The following FUBP3 variants were observed in gnomAD, a reference collection of about 807,000 sequenced individuals.
The protein encoded by FUBP3 is far upstream element-binding protein 3.
A neutral mutation model predicts 85.6 loss-of-function variants in FUBP3; 28 were observed. The observed-to-expected ratio is 0.33, with a 90% confidence interval of 0.24 to 0.45. The LOEUF (loss-of-function observed/expected upper bound fraction) is 0.45. Ranked by LOEUF, FUBP3 falls within the 20% of genes least tolerant of loss-of-function variation. The pLI, the probability that FUBP3 is intolerant of heterozygous loss-of-function variation, is 1.00. For synonymous variants in FUBP3, 271 were observed against 271.4 expected (o/e 1.00, Z 0.01); for missense variants, 583 against 755.1 (o/e 0.77, Z 2.67).
intron 11 of FUBP3, 150 bp downstream of exon 11, chr9:130,623,861 T>C (rs1006649842): frequency 4.2e-6 from 2 of 478,312 alleles, no homozygotes; most frequent in Non-Finnish European, 7.4e-6. Flanking sequence ...TCAGCCTCTT[T>C]CCTGCCTTCT....
chr9:130,582,953 A>G (rs1180497648), intron 1 of FUBP3, among the ~76,000 whole-genome samples: 2 of 152,224 alleles, frequency 1.3e-5, no homozygotes, highest in African/African-American at 4.8e-5. Flanking sequence ...TTAGGACTTT[A>G]AAAAGCATTA....
At chr9:130,628,090 GCACGCACGCACGCGCACACACACACACA>G (rs1830056516) in intron 12 of FUBP3, among the ~76,000 whole-genome samples, 1 of 126,396 alleles carries the variant, frequency 7.9e-6, no homozygotes, top group Non-Finnish European at 1.7e-5. Context: ...ACACACGCAC[GCACGCACGCACGCGCACACACACACACA>G]CACACACACC....
At chr9:130,620,271 G>T in intron 8 of FUBP3, 83 bp from the exon 9 acceptor site, 1 of 784,678 alleles carries the variant, frequency 1.3e-6, no homozygotes, top group Non-Finnish European at 2.1e-6. Flanking sequence ...AAGTTAAGAG[G>T]GTTTGATCTT....
intron 13 of FUBP3, chr9:130,631,317 T>C (rs2304809): frequency 0.061 from 84,803 of 1,398,142 alleles, 2,774 homozygotes; most frequent in South Asian, 0.074. Context: ...CCCAGGGTGA[T>C]GCCAGGGCAG....
At chr9:130,605,163 CT>C (rs1260501231) in intron 2 of FUBP3, among the ~76,000 whole-genome samples, 1 of 152,126 alleles carries the variant, frequency 6.6e-6, no homozygotes. Context: ...TCATAGAATT[CT>C]TTTTCCTCTT....
chr9:130,614,655 C>T (rs549369015), intron 6 of FUBP3, among the ~76,000 whole-genome samples: 10 of 152,346 alleles, frequency 6.6e-5, no homozygotes, highest in African/African-American at 1.9e-4. Context: ...TTGTTAACAC[C>T]TCCTTTACCT....
At chr9:130,631,170 C>A in intron 13 of FUBP3, 1 of 1,164,984 alleles carries the variant, frequency 8.6e-7, no homozygotes, top group African/African-American at 1.6e-5. Context: ...GTTTCAGGCA[C>A]CTCAAGGCAG....
chr9:130,595,368 T>C lies in FUBP3; in HGVS notation c.85-115T>C, dbSNP rs766256389. 6.9e-5 allele frequency: 47 copies of C among 677,616 alleles called. 2 individuals carry two copies. Among genetic ancestry groups the C allele is most frequent in the Middle Eastern group, 6.1e-4 (2 of 3,268 alleles). The allele number at this position is 677,616 out of a possible 1,614,324, so 42.0% of individuals were successfully genotyped here. A position where few individuals can be genotyped will look rare whatever the true frequency, so the allele number is the denominator to read the frequency against. The stretch of plus-strand genomic sequence containing the variant: ...GTGCTCTTGCGGTGCTGCCTTCCAT[T>C]AATCAAGGTCAGGGGAGAAATGGGA... On this transcript the variant is annotated intron_variant, in intron 1 of 18. Coordinates refer to ENST00000319725, the MANE Select transcript of FUBP3 (RefSeq NM_003934.2).
chr9:130,588,302 T>G (rs1830440050), intron 1 of FUBP3, among the ~76,000 whole-genome samples: 1 of 152,166 alleles, frequency 6.6e-6, no homozygotes, highest in Admixed American at 6.5e-5. Flanking sequence ...AATACAGAAA[T>G]AGTTGATGAT....
intron 3 of FUBP3, among the ~76,000 whole-genome samples, chr9:130,611,662 A>T (rs568019084): frequency 3.0e-4 from 43 of 143,216 alleles, no homozygotes; most frequent in Middle Eastern, 3.8e-3. Flanking sequence ...TTTTTTTTTT[A>T]AACTACTTGC....
chr9:130,623,067 A>C, intron 10 of FUBP3, among the ~76,000 whole-genome samples: 1 of 152,004 alleles, frequency 6.6e-6, no homozygotes, highest in East Asian at 1.9e-4. Flanking sequence ...GAGTATATGC[A>C]TAGTATGTCA....
chr9:130,604,905 A>C (rs1215056249), intron 2 of FUBP3, among the ~76,000 whole-genome samples: 1 of 151,336 alleles, frequency 6.6e-6, no homozygotes, highest in Non-Finnish European at 1.5e-5. Flanking sequence ...TCAAACAAAA[A>C]AAAAAAAAAA....
intron 8 of FUBP3, among the ~76,000 whole-genome samples, chr9:130,619,111 C>T (rs537124908): frequency 3.6e-4 from 55 of 152,286 alleles, no homozygotes; most frequent in African/African-American, 1.2e-3. Context: ...GGCCTGTGGG[C>T]GGCCACAGAG....
chr9:130,614,280 T>C lies in FUBP3; in HGVS notation c.347-8T>C, dbSNP rs770140899. 6.3e-7 allele frequency: 1 copy of C among 1,590,194 alleles called. No homozygotes were observed. The highest frequency in any genetic ancestry group is 8.6e-7 in the Non-Finnish European group (1 of 1,158,794). ...CAACACCCCTCATCTTCTTGATTCT[T>C]CTTATAGAGAGTTCTGGGATTCCAG... On this transcript the variant is annotated splice_polypyrimidine_tract_variant and splice_region_variant and intron_variant, in intron 5 of 18. Transcript: ENST00000319725.
chr9:130,611,324 G>A (rs774238407), intron 3 of FUBP3, among the ~76,000 whole-genome samples: 2 of 152,214 alleles, frequency 1.3e-5, no homozygotes, highest in East Asian at 1.9e-4. Flanking sequence ...GCTGCAGGAC[G>A]TGTTGGGACA....
intron 12 of FUBP3, among the ~76,000 whole-genome samples, chr9:130,628,160 C>T (rs1750629318): frequency 6.6e-6 from 1 of 151,998 alleles, no homozygotes; most frequent in Non-Finnish European, 1.5e-5. Context: ...TGAGACATCT[C>T]TTTTCCTTGA....
At chr9:130,631,829 A>G in intron 14 of FUBP3, 113 bp from the exon 15 acceptor site, 2 of 875,158 alleles carry the variant, frequency 2.3e-6, no homozygotes, top group Non-Finnish European at 3.8e-6. Context: ...AGCCTCTCAG[A>G]GGGCAGAGGG....
At chr9:130,597,186 C>T (rs1016092634) in intron 2 of FUBP3, among the ~76,000 whole-genome samples, 4 of 152,184 alleles carry the variant, frequency 2.6e-5, no homozygotes, top group African/African-American at 9.7e-5. Flanking sequence ...TTTCACTTAA[C>T]ATAATGATCT....
chr9:130,609,543 C>A (rs943458951), intron 2 of FUBP3, among the ~76,000 whole-genome samples: 1 of 152,152 alleles, frequency 6.6e-6, no homozygotes, highest in Non-Finnish European at 1.5e-5. Context: ...GTGGAGCAGT[C>A]CTTAACAATG....
Sources: allele counts gnomAD v4.1 joint callset (sites outside exome capture counted in the v4.1 genomes callset), GRCh38; gene constraint gnomAD v4.1.1; transcripts MANE v1.5; gene names NCBI Gene and HGNC (gene_info 2026-07-23, HGNC 2026-07-21).